Variants in OBI1 observed in about 807,000 individuals in gnomAD.
The protein encoded by OBI1 is ring finger protein 219.
In OBI1, 59 loss-of-function variants were observed where a neutral mutation model predicts 62.4. The ratio of observed to expected loss-of-function variants is 0.95; its 90% CI spans 0.77 to 1.17. The LOEUF is 1.17. Among genes scored for constraint, OBI1 ranks in the 50% most tolerant of loss-of-function variants. OBI1 has a pLI of 0.00. For synonymous variants in OBI1, 302 were observed against 292.8 expected (o/e 1.03, Z -0.32); for missense variants, 875 against 830.9 (o/e 1.05, Z -0.65).
chr13:78,623,754 G>A (rs1875584111), intron 5 of OBI1, among the ~76,000 whole-genome samples: 1 of 152,098 alleles, frequency 6.6e-6, no homozygotes, highest in Non-Finnish European at 1.5e-5. Flanking sequence ...ACATACATTG[G>A]CTAATAGAAA....
At chr13:78,634,775 G>T (rs1469572084) in intron 5 of OBI1, among the ~76,000 whole-genome samples, 2 of 152,118 alleles carry the variant, frequency 1.3e-5, no homozygotes, top group Non-Finnish European at 2.9e-5. Context: ...GACTATCTAA[G>T]AAAATAGCTA....
At chr13:78,645,188 A>T (rs952896935) in intron 1 of OBI1, among the ~76,000 whole-genome samples, 191 bp from the exon 2 acceptor site, 4 of 152,008 alleles carry the variant, frequency 2.6e-5, no homozygotes, top group African/African-American at 9.7e-5. Context: ...GAGATACTAG[A>T]TGAGATACTG....
At chr13:78,633,313 C>T (rs76016374) in intron 5 of OBI1, among the ~76,000 whole-genome samples, 10,761 of 152,228 alleles carry the variant, frequency 0.071, 536 homozygotes, top group South Asian at 0.15. Flanking sequence ...ACTATTTAAA[C>T]GTAAAAGCCA....
chr13:78,652,278 T>G (rs1241161778), intron 1 of OBI1, among the ~76,000 whole-genome samples: 1 of 152,142 alleles, frequency 6.6e-6, no homozygotes, highest in Non-Finnish European at 1.5e-5. Context: ...TTGTTATATA[T>G]TTGACTGTAA....
Position 78,616,057 on chromosome 13 carries a change from T to C in OBI1, c.1704A>G (p.Ser568=). 6.2e-7 allele frequency: 1 copy of C among 1,614,196 alleles called. No homozygotes were observed. Among genetic ancestry groups the C allele is most frequent in the Non-Finnish European group, 8.5e-7 (1 of 1,180,020 alleles). Residue 568 remains serine (S), a synonymous_variant, in exon 6 of 6, where the codon TCA becomes TCG. Transcript: ENST00000282003. Reference sequence around the variant, plus strand: ...GAAATTCACTGCCTTGAGATGACTTTGATAACCCATCCAAATCCAGTGACT... The same window carrying C: ...GAAATTCACTGCCTTGAGATGACTTCGATAACCCATCCAAATCCAGTGACT... ...GFKSLDLDGL[S]KSSQGSEFLE...
chr13:78,628,158 A>T (rs1875735544), intron 5 of OBI1, among the ~76,000 whole-genome samples: 1 of 152,218 alleles, frequency 6.6e-6, no homozygotes, highest in East Asian at 1.9e-4. Flanking sequence ...TTTAAGTTTC[A>T]TTTAACTCTT....
intron 1 of OBI1, among the ~76,000 whole-genome samples, chr13:78,650,384 A>G (rs1031469795): frequency 1.3e-5 from 2 of 152,330 alleles, no homozygotes; most frequent in East Asian, 3.9e-4. Flanking sequence ...TCAAGATACT[A>G]AAGGTGGTAT....
intron 5 of OBI1, chr13:78,620,539 C>A (rs1875475151): frequency 2.2e-6 from 1 of 449,726 alleles, no homozygotes; most frequent in African/African-American, 2.0e-5. Flanking sequence ...GATATCGGAA[C>A]TGTATTCTGC....
chr13:78,620,493 G>A (rs1459421809), intron 5 of OBI1: 2 of 357,310 alleles, frequency 5.6e-6, no homozygotes, highest in Non-Finnish European at 1.1e-5. Context: ...CATTGTGCCA[G>A]AAAAAACACT....
chr13:78,626,939 G>A lies in OBI1; in HGVS notation c.638+8171C>T, dbSNP rs543100328. On this transcript the variant is annotated intron_variant, in intron 5 of 5. Transcript: ENST00000282003. ...AAATTAGCCGGGCATGGTGGCGGGC[G>A]CCTGTAGTCCCAGCTACTCAGGAGG... Among the ~76,000 whole-genome samples, 25 of 152,210 alleles carry A rather than the reference G, an allele frequency of 1.6e-4. No homozygotes were observed. The South Asian group carries it at 4.6e-3, about 28-fold the overall frequency.
At chr13:78,622,867 C>T (rs139416471) in intron 5 of OBI1, among the ~76,000 whole-genome samples, 1 of 152,050 alleles carries the variant, frequency 6.6e-6, no homozygotes, top group Non-Finnish European at 1.5e-5. Context: ...TTAGGAAAAG[C>T]GGACAGGGAG....
chr13:78,616,361 C>T lies in OBI1; in HGVS notation c.1400G>A (p.Trp467Ter). The stretch of plus-strand genomic sequence containing the variant: ...GGCATAGCTTGTGGAACAACAGTCC[C>T]AAAATCCTGTCTTTGGGGAAGAAAA... ...ECFSSPKTGF[W>*]DCCSTSYAQN... Residue 467 changes from tryptophan (W) to a stop codon, truncating the protein, a stop_gained, in exon 6 of 6, where the codon TGG becomes TAG. Coordinates refer to ENST00000282003, the MANE Select transcript of OBI1 (RefSeq NM_024546.4). LOFTEE classifies it high-confidence loss of function. The T allele has an allele frequency of 6.2e-7, 1 of 1,613,868 alleles. No individual in the cohort carries two copies. The highest frequency in any genetic ancestry group is 8.5e-7 in the Non-Finnish European group (1 of 1,179,820).
chr13:78,645,091 A>T (rs1242802817), intron 1 of OBI1, 94 bp from the exon 2 acceptor site: 2 of 1,232,904 alleles, frequency 1.6e-6, no homozygotes, highest in African/African-American at 3.0e-5. Context: ...TCTAGATTAT[A>T]GCAGAGTAGG....
intron 3 of OBI1, among the ~76,000 whole-genome samples, chr13:78,640,436 T>C (rs146864402): frequency 1.3e-5 from 2 of 152,170 alleles, no homozygotes; most frequent in Non-Finnish European, 2.9e-5. Context: ...TATTTTTATA[T>C]ATATTTATTT....
chr13:78,628,459 G>A (rs1875746317), intron 5 of OBI1, among the ~76,000 whole-genome samples: 1 of 152,184 alleles, frequency 6.6e-6, no homozygotes, highest in Non-Finnish European at 1.5e-5. Flanking sequence ...TTCATCTGAG[G>A]ATTGAAGGAG....
rs141091930 is a variant in OBI1 at position 78,616,660 on chromosome 13, T to A, written c.1101A>T (p.Glu367Asp). The change falls in exon 6 of 6, where the codon GAA (glutamate) becomes GAT (aspartate). Residue 367 changes from glutamate to aspartate, a missense_variant. Physicochemically the swap from Glu to Asp is conservative, Grantham distance 45. Coordinates refer to ENST00000282003, the MANE Select transcript of OBI1 (RefSeq NM_024546.4). ...DTSMDTYLER[E>D]WGNKPSDCVP... ...CACAGTCACTTGGTTTATTCCCCCATTCTCTTTCCAAATAAGTATCCATAC... is the reference window on the plus strand; with the variant it reads ...CACAGTCACTTGGTTTATTCCCCCAATCTCTTTCCAAATAAGTATCCATAC... 2.9e-5 allele frequency: 47 copies of A among 1,614,012 alleles called. No homozygotes were observed. Among genetic ancestry groups the A allele is most frequent in the Non-Finnish European group, 3.7e-5 (44 of 1,179,988 alleles).
intron 2 of OBI1, among the ~76,000 whole-genome samples, chr13:78,644,000 G>C (rs534571945): frequency 4.5e-4 from 68 of 152,042 alleles, no homozygotes; most frequent in Admixed American, 9.2e-4. Context: ...CTCTAAAAAG[G>C]CTCTTTAGAA....
intron 5 of OBI1, among the ~76,000 whole-genome samples, chr13:78,632,581 T>C (rs1432634314): frequency 1.3e-5 from 2 of 152,182 alleles, no homozygotes; most frequent in East Asian, 3.9e-4. Flanking sequence ...AGGCATTTTC[T>C]AAACCAAGGG....
At chr13:78,634,022 C>G (rs1425706983) in intron 5 of OBI1, among the ~76,000 whole-genome samples, 2 of 150,742 alleles carry the variant, frequency 1.3e-5, no homozygotes, top group African/African-American at 2.4e-5. Flanking sequence ...GAGCCGAGAT[C>G]GCGCCACTGC....
Sources: gnomAD v4.1 joint callset for allele counts (sites outside exome capture counted in the v4.1 genomes callset) on GRCh38, gnomAD v4.1.1 for gene constraint, MANE v1.5 for transcripts, NCBI Gene and HGNC (gene_info 2026-07-23, HGNC 2026-07-21) for gene names.